The following ATP6V1D variants were observed in gnomAD, a reference collection of about 807,000 sequenced individuals.
ATP6V1D encodes ATPase H+ transporting V1 subunit D, also known as V-type proton ATPase subunit D.
Under a neutral mutation model 39.4 loss-of-function variants are expected in ATP6V1D, and 20 were observed. The observed-to-expected ratio is 0.51, with a 90% CI of 0.36 to 0.74. The LOEUF is 0.74. Ranked by LOEUF, ATP6V1D falls within the 30% of genes least tolerant of loss-of-function variation. The pLI is 0.00. For synonymous variants in ATP6V1D, 100 were observed against 100.5 expected (o/e 0.99, Z 0.03); for missense variants, 228 against 291.6 (o/e 0.78, Z 1.59).
intron 5 of ATP6V1D, 66 bp downstream of exon 5, chr14:67,347,343 A>G: frequency 1.5e-6 from 2 of 1,301,292 alleles, no homozygotes; most frequent in Non-Finnish European, 2.2e-6. Flanking sequence ...TCCAGAACTT[A>G]GTTCATTTAA....
intron 1 of ATP6V1D, among the ~76,000 whole-genome samples, chr14:67,353,276 A>G (rs1024871155): frequency 2.0e-5 from 3 of 152,150 alleles, no homozygotes; most frequent in Non-Finnish European, 4.4e-5. Flanking sequence ...CCATCAAGAG[A>G]TGACTGGGTC....
Position 67,343,406 on chromosome 14 carries a change from CT to C in ATP6V1D, c.488del (p.Lys163ArgfsTer2). The C allele has an allele frequency of 6.2e-7, 1 of 1,611,882 alleles. No individual in the cohort carries two copies. Among genetic ancestry groups the C allele is most frequent in the Non-Finnish European group, 8.5e-7 (1 of 1,178,148 alleles). ...TSFVTLDEAIKITNRRVNAIE... is the reference protein window; with the variant it reads ...TSFVTLDEAIXITNRRVNAIE... ...TGGCATTTACACGCCTGTTGGTTAT[CT>C]TAATAGCTTCATCCAAAGTAACAAA... On this transcript the variant is annotated frameshift_variant, in exon 7 of 9. Coordinates refer to ENST00000216442, the MANE Select transcript of ATP6V1D (RefSeq NM_015994.4). LOFTEE classifies it high-confidence loss of function.
chr14:67,344,013 C>T (rs1163050632), intron 6 of ATP6V1D, among the ~76,000 whole-genome samples: 1 of 152,160 alleles, frequency 6.6e-6, no homozygotes, highest in African/African-American at 2.4e-5. Context: ...CATCCTGTCC[C>T]TGAGTAAGGA....
intron 7 of ATP6V1D, among the ~76,000 whole-genome samples, chr14:67,341,772 A>G (rs1259792426): frequency 6.6e-6 from 1 of 152,222 alleles, no homozygotes; most frequent in Non-Finnish European, 1.5e-5. Context: ...AGATAGAGAA[A>G]TCGGATGGTT....
At chr14:67,350,538 A>G (rs1330019563) in intron 3 of ATP6V1D, 73 bp downstream of exon 3, 1 of 1,326,062 alleles carries the variant, frequency 7.5e-7, no homozygotes, top group Non-Finnish European at 1.1e-6. Context: ...AAATTAAAAA[A>G]TGCTTTTTAA....
chr14:67,346,291 G>C (rs1387650235), intron 5 of ATP6V1D, among the ~76,000 whole-genome samples: 1 of 152,114 alleles, frequency 6.6e-6, no homozygotes, highest in Non-Finnish European at 1.5e-5. Flanking sequence ...GGAAATACAA[G>C]TGCCAAAAGA....
chr14:67,340,032 C>CCA (rs1555343248), intron 8 of ATP6V1D: 1 of 71,698 alleles, frequency 1.4e-5, no homozygotes, highest in African/African-American at 4.5e-5. Flanking sequence ...CTCTGTCTCA[C>CCA]AAAAAAAAAA....
At chr14:67,352,523 C>A (rs2085662318) in intron 2 of ATP6V1D, among the ~76,000 whole-genome samples, 1 of 152,056 alleles carries the variant, frequency 6.6e-6, no homozygotes. Context: ...GTGAGAGAAG[C>A]AAACATGGTG....
Position 67,338,594 on chromosome 14 carries a change from T to C in ATP6V1D, c.*27A>G. The C allele has an allele frequency of 1.2e-6, 2 of 1,604,210 alleles. No individual in the cohort carries two copies. The highest frequency in any genetic ancestry group is 1.7e-6 in the Non-Finnish European group (2 of 1,176,064). ...AATTAAAATGAAGCCAGTGTTAGGG[T>C]TTCTCAAAGAACCAGAACAGGAAAG... On this transcript the variant is annotated 3_prime_UTR_variant, in exon 9 of 9. Coordinates refer to ENST00000216442, the MANE Select transcript of ATP6V1D (RefSeq NM_015994.4).
chr14:67,351,393 G>T (rs796726000), intron 2 of ATP6V1D, among the ~76,000 whole-genome samples: 1 of 152,140 alleles, frequency 6.6e-6, no homozygotes, highest in African/African-American at 2.4e-5. Context: ...AAAAGAAAAT[G>T]TGGCATAATA....
intron 3 of ATP6V1D, 89 bp from the exon 4 acceptor site, chr14:67,349,193 C>T: frequency 1.6e-6 from 2 of 1,242,986 alleles, no homozygotes; most frequent in Non-Finnish European, 1.1e-6. Flanking sequence ...TTAAATGAGA[C>T]CAAGAGTGAG....
intron 1 of ATP6V1D, among the ~76,000 whole-genome samples, 192 bp downstream of exon 1, chr14:67,359,466 C>T (rs2141119090): frequency 6.6e-6 from 1 of 152,140 alleles, no homozygotes; most frequent in South Asian, 2.1e-4. Context: ...TCGCTTCGTC[C>T]AGCCTGATTC....
At chr14:67,341,368 A>G (rs1386044544) in intron 7 of ATP6V1D, among the ~76,000 whole-genome samples, 1 of 145,684 alleles carries the variant, frequency 6.9e-6, no homozygotes, top group Non-Finnish European at 1.5e-5. Flanking sequence ...CAGCCGCCCC[A>G]TCTGAGAAGT....
At chr14:67,359,623 C>T in intron 1 of ATP6V1D, 35 bp downstream of exon 1, 1 of 1,613,346 alleles carries the variant, frequency 6.2e-7, no homozygotes, top group Non-Finnish European at 8.5e-7. Context: ...GGTTCCTAAA[C>T]CTGTGAAAGC....
intron 8 of ATP6V1D, among the ~76,000 whole-genome samples, chr14:67,338,992 CT>C (rs772977015): frequency 0.076 from 9,926 of 131,020 alleles, 186 homozygotes; most frequent in Non-Finnish European, 0.094. Flanking sequence ...AGACAGAAGC[CT>C]TTTTTTTTTT....
intron 7 of ATP6V1D, among the ~76,000 whole-genome samples, chr14:67,340,799 G>A (rs373967523): frequency 3.7e-4 from 57 of 152,218 alleles, no homozygotes; most frequent in African/African-American, 1.2e-3. Flanking sequence ...TCAGCCTGCC[G>A]AGTGCCTGCG....
In ATP6V1D at chr14:67,340,608, C is replaced by G. The variant is rs551748122; in HGVS notation, c.524-90G>C. The stretch of plus-strand genomic sequence containing the variant: ...TCATTTGTATAACAGTTATTTTTTC[C>G]TAATTGTAAAATTAATGTGCATTTA... On this transcript the variant is annotated intron_variant, in intron 7 of 8. Transcript: ENST00000216442. The G allele has an allele frequency of 2.0e-4, 221 of 1,119,586 alleles. 7 individuals are homozygous for G. The South Asian group carries it at 2.9e-3, about 15-fold the overall frequency. The allele number at this position is 1,119,586 out of a possible 1,614,324, so 69.4% of individuals were successfully genotyped here.
chr14:67,352,171 G>A (rs1396825095), intron 2 of ATP6V1D, among the ~76,000 whole-genome samples: 1 of 152,008 alleles, frequency 6.6e-6, no homozygotes, highest in African/African-American at 2.4e-5. Context: ...AAATGCTTTT[G>A]TTAAGTACGT....
intron 7 of ATP6V1D, among the ~76,000 whole-genome samples, chr14:67,342,978 G>T (rs2085596439): frequency 6.6e-6 from 1 of 152,088 alleles, no homozygotes; most frequent in South Asian, 2.1e-4. Flanking sequence ...AAGGAGAATG[G>T]CTTATACTGA....
Sources: gnomAD v4.1 joint callset for allele counts (sites outside exome capture counted in the v4.1 genomes callset) on GRCh38, gnomAD v4.1.1 for gene constraint, MANE v1.5 for transcripts, NCBI Gene and HGNC (gene_info 2026-07-23, HGNC 2026-07-21) for gene names.